Variants in STXBP5 observed in about 807,000 individuals in gnomAD.
STXBP5 encodes the protein syntaxin binding protein 5, also known as syntaxin-binding protein 5.
Under a neutral mutation model 152.4 loss-of-function variants are expected in STXBP5, and 50 were observed. The ratio of observed to expected loss-of-function variants is 0.33; its 90% CI spans 0.26 to 0.42. STXBP5 has a LOEUF of 0.42. Among genes scored for constraint, STXBP5 ranks in the 10% least tolerant of loss-of-function variants. The pLI, the probability that STXBP5 is intolerant of heterozygous loss-of-function variation, is 1.00. For missense variants in STXBP5, 1,167 were observed against 1,388.6 expected (o/e 0.84, Z 2.54); for synonymous variants, 492 against 494.7 (o/e 0.99, Z 0.07).
chr6:147,361,958 C>T (rs1785085181), intron 23 of STXBP5, among the ~76,000 whole-genome samples: 2 of 152,154 alleles, frequency 1.3e-5, no homozygotes, highest in Non-Finnish European at 2.9e-5. Flanking sequence ...GTGAAATTAT[C>T]TGCTCACCAA....
At chr6:147,352,830 A>C (rs1298597137) in intron 21 of STXBP5, among the ~76,000 whole-genome samples, 2 of 152,136 alleles carry the variant, frequency 1.3e-5, no homozygotes, top group African/African-American at 2.4e-5. Flanking sequence ...TAAAGTAAAA[A>C]TTTTAAGTAC....
At chr6:147,330,358 T>G (rs1783505388) in intron 18 of STXBP5, among the ~76,000 whole-genome samples, 1 of 152,270 alleles carries the variant, frequency 6.6e-6, no homozygotes, top group East Asian at 1.9e-4. Flanking sequence ...AGTGCTACAT[T>G]AAGAAGAATC....
chr6:147,363,343 T>C lies in STXBP5; in HGVS notation c.2554T>C (p.Leu852=), dbSNP rs1785149310. The C allele has an allele frequency of 6.3e-7, 1 of 1,590,638 alleles. No homozygotes were observed. The highest frequency in any genetic ancestry group is 2.2e-5 in the East Asian group (1 of 44,776). ...AGACTTCTATATTTTAGGTACTATA[T>C]TGAGGTTAAAAGGTGCAATCTTGAG... is the stretch of plus-strand genomic sequence containing the variant. ...PVIVSPSGTI[L]RLKGAILRMA... is the part of the protein sequence containing the mutation. The change falls in exon 24 of 28, where the codon TTG becomes CTG. Residue 852 remains leucine (L), a synonymous_variant. Coordinates refer to ENST00000321680, the MANE Select transcript of STXBP5 (RefSeq NM_001127715.4).
intron 5 of STXBP5, among the ~76,000 whole-genome samples, 198 bp downstream of exon 5, chr6:147,260,947 T>C (rs187441224): frequency 6.6e-6 from 1 of 152,240 alleles, no homozygotes; most frequent in East Asian, 1.9e-4. Context: ...CATATGTATA[T>C]AGAGATATAT....
chr6:147,210,768 G>A (rs1776806452), intron 2 of STXBP5, among the ~76,000 whole-genome samples: 1 of 152,116 alleles, frequency 6.6e-6, no homozygotes, highest in Admixed American at 6.5e-5. Flanking sequence ...AAATGTGTGT[G>A]TGTAGCTTTT....
intron 2 of STXBP5, among the ~76,000 whole-genome samples, chr6:147,207,577 T>C (rs953302088): frequency 6.6e-6 from 1 of 152,186 alleles, no homozygotes; most frequent in Admixed American, 6.5e-5. Context: ...ATGAAGTTAT[T>C]TTGTCAGTGT....
intron 9 of STXBP5, among the ~76,000 whole-genome samples, chr6:147,292,054 C>T (rs1377027083): frequency 6.6e-6 from 1 of 152,114 alleles, no homozygotes; most frequent in East Asian, 1.9e-4. Flanking sequence ...ACTAGACCTA[C>T]AGGAAATGCT....
In STXBP5 at chr6:147,390,143, T is replaced by C. The variant is rs1040397953; in HGVS notation, c.*5388T>C. ...CAGTAACTATCTCAAAGGTAATTGC[T>C]GGAATATGCATTTTGAAATACGGTT... On this transcript the variant is annotated 3_prime_UTR_variant, in exon 28 of 28. Coordinates refer to ENST00000321680, the MANE Select transcript of STXBP5 (RefSeq NM_001127715.4). The C allele has an allele frequency of 3.3e-5, 5 of 151,950 alleles. No individual in the cohort carries two copies. The highest frequency in any genetic ancestry group is 1.2e-4 in the African/African-American group (5 of 41,422). The allele number at this position is 151,950 out of a possible 1,614,324, so 9.4% of individuals were successfully genotyped here. A position where few individuals can be genotyped will look rare whatever the true frequency, so the allele number is the denominator to read the frequency against.
intron 8 of STXBP5, among the ~76,000 whole-genome samples, chr6:147,284,856 C>G (rs1056268954): frequency 2.6e-5 from 4 of 152,130 alleles, no homozygotes; most frequent in African/African-American, 9.7e-5. Flanking sequence ...TAATGGAGAC[C>G]TAGTAATTGA....
chr6:147,249,315 A>G (rs1384130725), intron 4 of STXBP5, among the ~76,000 whole-genome samples: 2 of 152,202 alleles, frequency 1.3e-5, no homozygotes, highest in Non-Finnish European at 2.9e-5. Flanking sequence ...ACTGTAACAA[A>G]TATCTGAATA....
intron 16 of STXBP5, among the ~76,000 whole-genome samples, chr6:147,321,011 T>C (rs1782910473): frequency 6.6e-6 from 1 of 152,184 alleles, no homozygotes; most frequent in Non-Finnish European, 1.5e-5. Flanking sequence ...GACAGAGTCA[T>C]GAGAGAGATA....
chr6:147,363,915 G>A (rs2128414058), intron 24 of STXBP5, 86 bp from the exon 25 acceptor site: 1 of 1,445,922 alleles, frequency 6.9e-7, no homozygotes, highest in Non-Finnish European at 9.4e-7. Context: ...TAAGATTTAT[G>A]AGGTCTCTGC....
At chr6:147,264,834 TG>T (rs1779813756) in intron 6 of STXBP5, among the ~76,000 whole-genome samples, 2 of 152,142 alleles carry the variant, frequency 1.3e-5, no homozygotes, top group Non-Finnish European at 2.9e-5. Context: ...TGGAAGATTA[TG>T]GGCATAAAAC....
chr6:147,373,400 TGTA>T (rs1233696442), intron 25 of STXBP5, among the ~76,000 whole-genome samples: 1 of 149,848 alleles, frequency 6.7e-6, no homozygotes, highest in Non-Finnish European at 1.5e-5. Flanking sequence ...TTCTTTCTAA[TGTA>T]ATTATTAATC....
chr6:147,378,673 G>A (rs888383612), intron 26 of STXBP5, among the ~76,000 whole-genome samples: 9 of 151,908 alleles, frequency 5.9e-5, no homozygotes, highest in African/African-American at 1.7e-4. Flanking sequence ...TTGATATGAT[G>A]ACATATTTAG....
chr6:147,325,073 T>C lies in STXBP5; in HGVS notation c.1917T>C (p.Ser639=). The change falls in exon 17 of 28, where the codon TCT becomes TCC. Residue 639 remains serine, a synonymous_variant. Transcript: ENST00000321680. Reference sequence around the variant, plus strand: ...AAATAACCAGCCTGGCAGTCAATTCTTCCTATGGACTGTAAGTATAAGTTA... The same window carrying C: ...AAATAACCAGCCTGGCAGTCAATTCCTCCTATGGACTGTAAGTATAAGTTA... ...PQQITSLAVN[S]SYGLVVFGNC... is the part of the protein sequence containing the mutation. The C allele has an allele frequency of 1.3e-6, 2 of 1,558,422 alleles. No individual in the cohort carries two copies. The highest frequency in any genetic ancestry group is 1.7e-6 in the Non-Finnish European group (2 of 1,148,918).
intron 26 of STXBP5, among the ~76,000 whole-genome samples, chr6:147,375,396 A>T (rs1785759255): frequency 6.6e-6 from 1 of 152,138 alleles, no homozygotes; most frequent in African/African-American, 2.4e-5. Context: ...CAAAAACTAG[A>T]ATTAAAAACC....
chr6:147,305,276 A>T (rs551918686), intron 9 of STXBP5, among the ~76,000 whole-genome samples: 2 of 152,338 alleles, frequency 1.3e-5, no homozygotes, highest in South Asian at 4.1e-4. Flanking sequence ...AAAAATTTAA[A>T]TACTTCTTGA....
At chr6:147,213,434 A>ATATGTGTGTGTGTG (rs1216361619) in intron 2 of STXBP5, among the ~76,000 whole-genome samples, 15 of 85,572 alleles carry the variant, frequency 1.8e-4, no homozygotes, top group Non-Finnish European at 1.9e-4. Flanking sequence ...AATTTTATAT[A>ATATGTGTGTGTGTG]TGTGTGTGTG....
Sources: allele counts gnomAD v4.1 joint callset (sites outside exome capture counted in the v4.1 genomes callset), GRCh38; gene constraint gnomAD v4.1.1; transcripts MANE v1.5; gene names NCBI Gene and HGNC (gene_info 2026-07-23, HGNC 2026-07-21).